FARS2: variants seen among roughly 807,000 people sequenced by gnomAD.
FARS2 encodes phenylalanine--tRNA ligase, mitochondrial.
FARS2 carries 40 observed loss-of-function variants against 46.4 expected under a neutral mutation model. The ratio of observed to expected loss-of-function variants is 0.86; its 90% CI spans 0.67 to 1.12. FARS2 has a LOEUF of 1.12. FARS2 is among the 50% of genes most tolerant of loss of function. The pLI, the probability that FARS2 is intolerant of heterozygous loss-of-function variation, is 0.00. For missense variants in FARS2, 513 were observed against 567.9 expected (o/e 0.90, Z 0.98); for synonymous variants, 234 against 214.9 (o/e 1.09, Z -0.78).
chr6:5,456,504 C>T (rs899395889), intron 4 of FARS2, among the ~76,000 whole-genome samples: 4 of 151,776 alleles, frequency 2.6e-5, no homozygotes, highest in Non-Finnish European at 5.9e-5. Flanking sequence ...GAGGCCGAGG[C>T]AGGCGGATCA....
chr6:5,642,557 T>A (rs1037530249), intron 6 of FARS2, among the ~76,000 whole-genome samples: 95 of 152,144 alleles, frequency 6.2e-4, no homozygotes, highest in African/African-American at 2.2e-3. Flanking sequence ...TGCCCTGTCT[T>A]CCCTCTTGCA....
rs983962604 is a variant in FARS2 at position 5,472,727 on chromosome 6, G to A, written c.904+41555G>A. The stretch of plus-strand genomic sequence containing the variant: ...CAATTATCTCGTAAGAGCTTAGCAG[G>A]CACCAGACATAGCATGTCATGAATC... On this transcript the variant is annotated intron_variant, in intron 4 of 6. Coordinates refer to ENST00000274680, the MANE Select transcript of FARS2 (RefSeq NM_006567.5). Among the ~76,000 whole-genome samples, 5 of 152,058 alleles carry A rather than the reference G, an allele frequency of 3.3e-5. No individual in the cohort carries two copies. In the East Asian group the frequency reaches 9.6e-4, roughly 29 times the overall value.
chr6:5,570,040 A>G (rs978306223), intron 5 of FARS2, among the ~76,000 whole-genome samples: 3 of 152,206 alleles, frequency 2.0e-5, no homozygotes, highest in Non-Finnish European at 2.9e-5. Flanking sequence ...AGGACAGGTT[A>G]TGTAAATGCT....
intron 4 of FARS2, among the ~76,000 whole-genome samples, chr6:5,498,916 GA>G (rs1447799983): frequency 1.3e-5 from 2 of 151,634 alleles, no homozygotes; most frequent in Non-Finnish European, 2.9e-5. Context: ...TTTTTTTCTT[GA>G]GATGGAGTCT....
Position 5,296,129 on chromosome 6 carries a change from C to CTTT in FARS2, c.-22+34497_-22+34499dup, listed in dbSNP as rs70974187. On this transcript the variant is annotated intron_variant, in intron 1 of 6. Coordinates refer to ENST00000274680, the MANE Select transcript of FARS2 (RefSeq NM_006567.5). Reference sequence around the variant, plus strand: ...CAAACATAAAAATTATCATTTTGGCCTTTTTTTTTTTTTTTTTTTTTTTTT... The same window carrying CTTT: ...CAAACATAAAAATTATCATTTTGGCCTTTTTTTTTTTTTTTTTTTTTTTTTTTT... Among the ~76,000 whole-genome samples, 373 of 55,100 alleles carry CTTT rather than the reference C, an allele frequency of 6.8e-3. 88 individuals are homozygous for CTTT. The highest frequency in any genetic ancestry group is 0.016 in the African/African-American group (179 of 11,302). The allele number at this position is 55,100 out of a possible 152,430, so 36.1% of individuals were successfully genotyped here.
chr6:5,471,509 A>G lies in FARS2; in HGVS notation c.904+40337A>G, dbSNP rs1765805911. 6.6e-6 allele frequency among the ~76,000 whole-genome samples: 1 copy of G among 152,138 alleles called. No homozygotes were observed. On this transcript the variant is annotated intron_variant, in intron 4 of 6. Transcript: ENST00000274680. This position sits in a 1 kb window ranked among gnomAD's most constrained non-coding sequence, Gnocchi z 4.1. ...ATTCCTTTAATGAAGGACATATGAG[A>G]TTTTTGCTTGAAGTAAATGTTACCA...
intron 3 of FARS2, among the ~76,000 whole-genome samples, chr6:5,408,178 T>C (rs529521693): frequency 6.6e-6 from 1 of 152,160 alleles, no homozygotes; most frequent in East Asian, 1.9e-4. Context: ...GAGCCTTGGA[T>C]CTTGAGCTCT....
intron 5 of FARS2, among the ~76,000 whole-genome samples, chr6:5,561,652 C>T (rs114620414): frequency 6.6e-6 from 1 of 151,770 alleles, no homozygotes; most frequent in East Asian, 1.9e-4. Context: ...TTTGGTTTAT[C>T]CTGCTTAGTA....
chr6:5,407,557 G>C (rs1447755614), intron 3 of FARS2, among the ~76,000 whole-genome samples: 1 of 151,484 alleles, frequency 6.6e-6, no homozygotes, highest in Non-Finnish European at 1.5e-5. Context: ...AGTGGGAAAT[G>C]GTATTAGGGA....
chr6:5,488,114 T>G (rs988630940), intron 4 of FARS2, among the ~76,000 whole-genome samples: 2 of 152,204 alleles, frequency 1.3e-5, no homozygotes, highest in African/African-American at 2.4e-5. Flanking sequence ...TCCTGTGCCC[T>G]GGAGTTCATC....
At chr6:5,412,486 C>G (rs1582030163) in intron 3 of FARS2, among the ~76,000 whole-genome samples, 1 of 152,192 alleles carries the variant, frequency 6.6e-6, no homozygotes, top group African/African-American at 2.4e-5. Flanking sequence ...GCATAGGGAC[C>G]TATACATGGT....
intron 3 of FARS2, among the ~76,000 whole-genome samples, chr6:5,427,187 T>G (rs1762901446): frequency 6.6e-6 from 1 of 152,194 alleles, no homozygotes; most frequent in South Asian, 2.1e-4. Flanking sequence ...AATTAGCATA[T>G]CCATCATGAT....
chr6:5,594,568 C>T (rs7768430), intron 5 of FARS2, among the ~76,000 whole-genome samples: 3,828 of 152,164 alleles, frequency 0.025, 123 homozygotes, highest in African/African-American at 0.065. Flanking sequence ...AAGAGGAGAA[C>T]GTGGAGGTTA....
At chr6:5,291,573 T>G (rs1767507765) in intron 1 of FARS2, among the ~76,000 whole-genome samples, 1 of 152,202 alleles carries the variant, frequency 6.6e-6, no homozygotes, top group African/African-American at 2.4e-5. Context: ...TACTGATAAT[T>G]AGTGAGAGAT....
intron 6 of FARS2, among the ~76,000 whole-genome samples, chr6:5,693,346 G>T (rs1002372257): frequency 6.6e-6 from 1 of 152,180 alleles, no homozygotes; most frequent in African/African-American, 2.4e-5. Flanking sequence ...CACTAATCCT[G>T]GAGCAGCCTG....
At chr6:5,399,218 A>G (rs1761104373) in intron 2 of FARS2, among the ~76,000 whole-genome samples, 1 of 148,942 alleles carries the variant, frequency 6.7e-6, no homozygotes, top group Admixed American at 6.7e-5. Flanking sequence ...TTTGTTGCCC[A>G]GGCTAGAGTA....
chr6:5,278,161 G>A (rs1451845734), intron 1 of FARS2, among the ~76,000 whole-genome samples: 1 of 152,226 alleles, frequency 6.6e-6, no homozygotes, highest in Non-Finnish European at 1.5e-5. Flanking sequence ...GGCTCTGGCT[G>A]TACCCTAGCT....
chr6:5,665,136 G>A (rs1029823879), intron 6 of FARS2: 11 of 152,196 alleles, frequency 7.2e-5, no homozygotes, highest in Admixed American at 5.9e-4. Context: ...AGTAGAGCTG[G>A]GCGGTCACAT....
intron 1 of FARS2, among the ~76,000 whole-genome samples, chr6:5,264,065 C>G (rs931925542): frequency 3.3e-5 from 5 of 151,802 alleles, no homozygotes; most frequent in Non-Finnish European, 7.4e-5. Context: ...TACATCATAG[C>G]GAAACCTCAC....
Sources: gnomAD v4.1 joint callset for allele counts (sites outside exome capture counted in the v4.1 genomes callset) on GRCh38, gnomAD v4.1.1 for gene constraint, Gnocchi (gnomAD v3.1) non-coding constraint, MANE v1.5 for transcripts, NCBI Gene and HGNC (gene_info 2026-07-23, HGNC 2026-07-21) for gene names.